TUSC3: variants seen among roughly 807,000 people sequenced by gnomAD.
TUSC3 encodes tumor suppressor candidate 3.
TUSC3 carries 45 observed loss-of-function variants against 44.8 expected under a neutral mutation model. The observed-to-expected ratio is 1.00, with a 90% CI of 0.79 to 1.29. TUSC3 has a LOEUF of 1.29. TUSC3 is among the 50% of genes most tolerant of loss of function. The pLI, the probability that TUSC3 is intolerant of heterozygous loss-of-function variation, is 0.00. For synonymous variants in TUSC3, 212 were observed against 152.9 expected (o/e 1.39, Z -2.85); for missense variants, 519 against 437.9 (o/e 1.19, Z -1.65).
chr8:15,774,761 A>C, the TUSC3 span, among the ~76,000 whole-genome samples: 1 of 152,164 alleles, frequency 6.6e-6, no homozygotes, highest in Admixed American at 6.5e-5. Context: ...ATGCAAATCA[A>C]AATCAAAATG....
intron 2 of TUSC3, among the ~76,000 whole-genome samples, chr8:15,521,459 A>G (rs147404419): frequency 1.8e-4 from 28 of 152,336 alleles, no homozygotes; most frequent in African/African-American, 6.5e-4. Context: ...CCAACCAGCC[A>G]TAATAGCAGT....
intron 6 of TUSC3, among the ~76,000 whole-genome samples, chr8:15,695,738 C>G (rs1211016408): frequency 1.3e-5 from 2 of 152,136 alleles, no homozygotes; most frequent in African/African-American, 2.4e-5. Context: ...AAGGTGGTCT[C>G]AGATGGAGAT....
chr8:15,507,501 T>G (rs1274475323), intron 2 of TUSC3, among the ~76,000 whole-genome samples: 1 of 152,202 alleles, frequency 6.6e-6, no homozygotes, highest in African/African-American at 2.4e-5. Flanking sequence ...TTTTTCAGAT[T>G]CTAGCTAATT....
intron 6 of TUSC3, among the ~76,000 whole-genome samples, chr8:15,713,712 T>C (rs375393164): frequency 1.3e-5 from 2 of 152,034 alleles, no homozygotes; most frequent in African/African-American, 4.8e-5. Flanking sequence ...ATCTTTTTTT[T>C]ATAAAGATGC....
chr8:15,549,833 T>C (rs190219848), intron 1 of TUSC3, among the ~76,000 whole-genome samples: 1 of 151,668 alleles, frequency 6.6e-6, no homozygotes, highest in African/African-American at 2.4e-5. Flanking sequence ...AATACTACCA[T>C]GATGGTGTAG....
intron 7 of TUSC3, among the ~76,000 whole-genome samples, chr8:15,736,956 G>A (rs1810962951): frequency 6.6e-6 from 1 of 151,934 alleles, no homozygotes; most frequent in African/African-American, 2.4e-5. Flanking sequence ...AAAATGACAT[G>A]AAATAAATAT....
chr8:15,659,634 G>A lies in TUSC3; in HGVS notation c.554G>A (p.Arg185Lys). Residue 185 changes from arginine to lysine, a missense_variant, in exon 4 of 11, where the codon AGA (arginine) becomes AAA (lysine). By Grantham distance (26) the Arg-to-Lys change is conservative (BLOSUM62 2). Coordinates refer to ENST00000503731, the MANE Select transcript of TUSC3 (RefSeq NM_006765.4). ...CAACTAGCAAAGTGGATTGCTGACA[G>A]AACGGATGTTCATGTATGTTTTTAT... Reference protein sequence around the residue: ...AEQLAKWIADRTDVHIRVFRP... With the variant: ...AEQLAKWIADKTDVHIRVFRP... The A allele has an allele frequency of 6.2e-7, 1 of 1,612,972 alleles. No homozygotes were observed. Among genetic ancestry groups the A allele is most frequent in the Non-Finnish European group, 8.5e-7 (1 of 1,179,596 alleles).
At chr8:15,801,585 T>A in the TUSC3 span, among the ~76,000 whole-genome samples, 2 of 152,140 alleles carry the variant, frequency 1.3e-5, no homozygotes. Context: ...TGGCTCAGTG[T>A]CTGTGGATGG....
At chr8:15,740,608 A>C (rs753460812) in intron 7 of TUSC3, among the ~76,000 whole-genome samples, 2 of 152,162 alleles carry the variant, frequency 1.3e-5, no homozygotes, top group Non-Finnish European at 2.9e-5. Context: ...GTGGTGAGCT[A>C]TTCGTACAAC....
the TUSC3 span, among the ~76,000 whole-genome samples, chr8:15,798,789 A>C: frequency 2.6e-5 from 4 of 152,200 alleles, no homozygotes; most frequent in African/African-American, 7.2e-5. Flanking sequence ...ATTTTAAAGG[A>C]GTTCACTTTA....
At chr8:15,545,500 A>T (rs559798966) in intron 1 of TUSC3, among the ~76,000 whole-genome samples, 1 of 151,800 alleles carries the variant, frequency 6.6e-6, no homozygotes, top group African/African-American at 2.4e-5. Flanking sequence ...ACTATGTGCT[A>T]TATGCAAATA....
chr8:15,626,471 T>C (rs1805514394), intron 2 of TUSC3, among the ~76,000 whole-genome samples: 1 of 152,162 alleles, frequency 6.6e-6, no homozygotes, highest in Non-Finnish European at 1.5e-5. Flanking sequence ...GTTGTAGCCT[T>C]CCAAGTCATG....
intron 1 of TUSC3, among the ~76,000 whole-genome samples, chr8:15,421,646 T>C (rs1401206224): frequency 6.6e-6 from 1 of 152,258 alleles, no homozygotes; most frequent in East Asian, 1.9e-4. Context: ...TTTTTGCGTT[T>C]TGTCCACTAA....
At chr8:15,849,048 C>A in the TUSC3 span, among the ~76,000 whole-genome samples, 4 of 152,110 alleles carry the variant, frequency 2.6e-5, no homozygotes, top group Non-Finnish European at 5.9e-5. Context: ...AGCTCAAATT[C>A]TTTTTCATTC....
Position 15,429,819 on chromosome 8 carries a change from A to G in TUSC3, n.91+12514A>G, listed in dbSNP as rs545062420. ...GGGATATCACCACCGATCCCACAGA[A>G]ATACAAACTACCATCAGAGAATACT... On this transcript the variant is annotated intron_variant and non_coding_transcript_variant, in intron 1 of 5. Transcript: ENST00000503191. Among the ~76,000 whole-genome samples, 1,087 of 151,846 alleles carry G rather than the reference A, an allele frequency of 7.2e-3. 44 individuals carry two copies. The highest frequency in any genetic ancestry group is 0.025 in the African/African-American group (1,018 of 41,138).
chr8:15,825,188 T>G, the TUSC3 span, among the ~76,000 whole-genome samples: 1 of 152,172 alleles, frequency 6.6e-6, no homozygotes, highest in African/African-American at 2.4e-5. Context: ...CTGCATTTAT[T>G]AAGTACCTAC....
At chr8:15,757,981 T>C in intron 10 of TUSC3, 126 bp downstream of exon 10, 1 of 1,485,138 alleles carries the variant, frequency 6.7e-7, no homozygotes, top group Non-Finnish European at 8.9e-7. Flanking sequence ...AACTTTTAAC[T>C]GTGAGATTCC....
intron 10 of TUSC3, chr8:15,758,058 C>A (rs988802788): frequency 7.3e-7 from 1 of 1,376,640 alleles, no homozygotes; most frequent in African/African-American, 1.5e-5. Context: ...AAATGTCTAC[C>A]AAAAGACTGA....
At chr8:15,615,575 A>G (rs1804951788) in intron 1 of TUSC3, among the ~76,000 whole-genome samples, 1 of 152,172 alleles carries the variant, frequency 6.6e-6, no homozygotes, top group African/African-American at 2.4e-5. Flanking sequence ...AATATAGTTT[A>G]CACTAATATA....
Sources: allele counts gnomAD v4.1 joint callset (sites outside exome capture counted in the v4.1 genomes callset), GRCh38; gene constraint gnomAD v4.1.1; transcripts MANE v1.5; gene names NCBI Gene and HGNC (gene_info 2026-07-23, HGNC 2026-07-21).